Variants in CAND1 observed in about 807,000 individuals in gnomAD.
CAND1 encodes cullin-associated NEDD8-dissociated protein 1.
A neutral mutation model predicts 108.5 loss-of-function variants in CAND1; 7 were observed. The ratio of observed to expected loss-of-function variants is 0.06; its 90% CI spans 0.04 to 0.12. The LOEUF is 0.12. CAND1 is among the 10% of genes least tolerant of loss of function. The pLI is 1.00. For synonymous variants in CAND1, 534 were observed against 512.0 expected (o/e 1.04, Z -0.58); for missense variants, 941 against 1,448.7 (o/e 0.65, Z 5.69).
intron 1 of CAND1, among the ~76,000 whole-genome samples, chr12:67,280,511 T>C (rs1330024070): frequency 6.6e-6 from 1 of 152,228 alleles, no homozygotes; most frequent in African/African-American, 2.4e-5. Context: ...GTATTTTTAC[T>C]AAAACTGTAT....
At chr12:67,297,369 C>A in intron 4 of CAND1, 38 bp from the exon 5 acceptor site, 1 of 1,585,374 alleles carries the variant, frequency 6.3e-7, no homozygotes, top group South Asian at 1.1e-5. Context: ...ATCTTGAATT[C>A]ATTTGTTGTT....
At chr12:67,272,519 A>C (rs1200921934) in intron 1 of CAND1, among the ~76,000 whole-genome samples, 1 of 152,220 alleles carries the variant, frequency 6.6e-6, no homozygotes, top group Non-Finnish European at 1.5e-5. Flanking sequence ...ATCTTTTTGT[A>C]GGACTATTAA....
chr12:67,272,187 C>T (rs2094320988), intron 1 of CAND1, among the ~76,000 whole-genome samples: 1 of 152,104 alleles, frequency 6.6e-6, no homozygotes, highest in African/African-American at 2.4e-5. Flanking sequence ...GTACTAAGGA[C>T]GAGAGAAGAA....
chr12:67,292,858 G>A, intron 3 of CAND1, 82 bp downstream of exon 3: 6 of 1,324,544 alleles, frequency 4.5e-6, no homozygotes, highest in Non-Finnish European at 6.4e-6. Context: ...TCTGGCCAAG[G>A]AGGGAGGGAG....
intron 3 of CAND1, 123 bp from the exon 4 acceptor site, chr12:67,294,910 C>A: frequency 1.1e-6 from 1 of 937,954 alleles, no homozygotes; most frequent in Non-Finnish European, 1.5e-6. Context: ...TGTTTTTCTG[C>A]CCTGGATCTG....
intron 1 of CAND1, among the ~76,000 whole-genome samples, chr12:67,272,695 GGTTTTTTTTGTTT>G (rs2044531660): frequency 6.6e-6 from 1 of 151,734 alleles, no homozygotes; most frequent in Non-Finnish European, 1.5e-5. Context: ...TTGTTGTTTT[GGTTTTTTTTGTTT>G]GTTTTTTTGA....
At chr12:67,273,318 T>A (rs1428714550) in intron 1 of CAND1, among the ~76,000 whole-genome samples, 3 of 152,090 alleles carry the variant, frequency 2.0e-5, no homozygotes, top group Non-Finnish European at 4.4e-5. Context: ...TAGGGATGCA[T>A]GTTCCATAAA....
Position 67,305,105 on chromosome 12 carries a change from A to G in CAND1, c.1437A>G (p.Gly479=). ...LTQHIPVLVP[G]IIFSLNDKSS... ...TTGGATTTTTTGTTGGCTTTTTAGG[A>G]ATCATTTTCTCACTGAATGATAAAT... The change falls in exon 10 of 15, where the codon GGA becomes GGG. Residue 479 remains glycine (G), a splice_region_variant and synonymous_variant. Coordinates refer to ENST00000545606, the MANE Select transcript of CAND1 (RefSeq NM_018448.5). This position sits in a 1 kb window ranked among gnomAD's most constrained non-coding sequence, Gnocchi z 4.4. The G allele has an allele frequency of 6.2e-7, 1 of 1,601,988 alleles. No homozygotes were observed. Among genetic ancestry groups the G allele is most frequent in the Non-Finnish European group, 8.5e-7 (1 of 1,174,878 alleles).
intron 1 of CAND1, among the ~76,000 whole-genome samples, chr12:67,275,063 A>G (rs1405701277): frequency 6.6e-6 from 1 of 152,170 alleles, no homozygotes; most frequent in African/African-American, 2.4e-5. Context: ...TGATGGCAGT[A>G]ACTTTCTTGA....
chr12:67,303,432 G>A (rs889470503), intron 8 of CAND1, among the ~76,000 whole-genome samples: 1 of 152,184 alleles, frequency 6.6e-6, no homozygotes, highest in African/African-American at 2.4e-5. Context: ...ATTGTAGAAG[G>A]AAATGAGATA....
intron 4 of CAND1, among the ~76,000 whole-genome samples, chr12:67,296,221 T>A (rs1376197314): frequency 1.3e-5 from 2 of 152,164 alleles, no homozygotes; most frequent in African/African-American, 4.8e-5. Context: ...CTGATTGTCC[T>A]GGCACAGGTT....
intron 1 of CAND1, among the ~76,000 whole-genome samples, chr12:67,279,406 A>G (rs2135992784): frequency 6.6e-6 from 1 of 152,352 alleles, no homozygotes; most frequent in Non-Finnish European, 1.5e-5. Context: ...CTGGTCAAAC[A>G]GCTTCCTTAA....
At chr12:67,296,851 G>T (rs1359752175) in intron 4 of CAND1, among the ~76,000 whole-genome samples, 2 of 152,220 alleles carry the variant, frequency 1.3e-5, no homozygotes, top group East Asian at 1.9e-4. Flanking sequence ...AGGCTGGAGT[G>T]CATTGGCATG....
intron 3 of CAND1, 58 bp downstream of exon 3, chr12:67,292,834 C>A (rs936389914): frequency 6.5e-7 from 1 of 1,543,922 alleles, no homozygotes; most frequent in Non-Finnish European, 8.9e-7. Flanking sequence ...TTTCTCCCCA[C>A]CCTTTTTTCC....
intron 4 of CAND1, among the ~76,000 whole-genome samples, chr12:67,296,399 A>G (rs1327519750): frequency 6.6e-6 from 1 of 152,176 alleles, no homozygotes; most frequent in Admixed American, 6.5e-5. Flanking sequence ...AAAAAGCAAT[A>G]CAGAAAGTCA....
At chr12:67,301,959 A>G (rs2044828666) in intron 7 of CAND1, among the ~76,000 whole-genome samples, 1 of 152,126 alleles carries the variant, frequency 6.6e-6, no homozygotes. Context: ...AGTTCTTTGA[A>G]TTTTGTTTCA....
Position 67,306,028 on chromosome 12 carries a change from G to A in CAND1, c.2360G>A (p.Ser787Asn), listed in dbSNP as rs2044879989. 6.2e-7 allele frequency: 1 copy of A among 1,614,100 alleles called. No individual in the cohort carries two copies. The highest frequency in any genetic ancestry group is 2.2e-5 in the East Asian group (1 of 44,878). ...CTGACTGGTCCAGTTTACTCTCAGA[G>A]CACAGCTCTTACTCATAAGCAGTCT... ...RMLTGPVYSQ[S>N]TALTHKQSYY... The change falls in exon 10 of 15, where the codon AGC (serine) becomes AAC (asparagine). Residue 787 changes from serine to asparagine, a missense_variant. By Grantham distance (46) the Ser-to-Asn change is conservative. Transcript: ENST00000545606.
intron 8 of CAND1, among the ~76,000 whole-genome samples, chr12:67,303,096 G>A (rs186872000): frequency 9.9e-5 from 15 of 152,166 alleles, no homozygotes; most frequent in Non-Finnish European, 1.0e-4. Flanking sequence ...CTTGATATAT[G>A]CCAGTACTTA....
rs112872654 is a variant in CAND1, at chr12:67,293,684, C to T, written c.367+908C>T. On this transcript the variant is annotated intron_variant, in intron 3 of 14. Transcript: ENST00000545606. ...AGGAGAATCACTTTAACTCAGGAGGCGGAGGTTGTGGTGAGCCGAGATGGT... is the reference window on the plus strand; with the variant it reads ...AGGAGAATCACTTTAACTCAGGAGGTGGAGGTTGTGGTGAGCCGAGATGGT... 1.7e-3 allele frequency among the ~76,000 whole-genome samples: 251 copies of T among 151,916 alleles called. 6 individuals are homozygous for T. The highest frequency in any genetic ancestry group is 5.6e-3 in the African/African-American group (233 of 41,394).
Sources: allele counts gnomAD v4.1 joint callset (sites outside exome capture counted in the v4.1 genomes callset), GRCh38; gene constraint gnomAD v4.1.1; non-coding constraint Gnocchi (gnomAD v3.1); transcripts MANE v1.5; gene names NCBI Gene and HGNC (gene_info 2026-07-23, HGNC 2026-07-21).